Variants in EXOC6B observed in about 807,000 individuals in gnomAD.
The protein encoded by EXOC6B is SEC15 homolog B.
Under a neutral mutation model 113.5 loss-of-function variants are expected in EXOC6B, and 54 were observed. The observed-to-expected ratio is 0.48, with a 90% confidence interval of 0.38 to 0.60. EXOC6B has a LOEUF of 0.60. Among genes scored for constraint, EXOC6B ranks in the 20% least tolerant of loss-of-function variants. The pLI is 0.00. For missense variants in EXOC6B, 797 were observed against 977.5 expected (o/e 0.82, Z 2.46); for synonymous variants, 357 against 339.0 (o/e 1.05, Z -0.58).
intron 20 of EXOC6B, among the ~76,000 whole-genome samples, chr2:72,291,749 A>G (rs1685806965): frequency 6.6e-6 from 1 of 152,188 alleles, no homozygotes; most frequent in Non-Finnish European, 1.5e-5. Flanking sequence ...CATGTGAATG[A>G]GGTAAAGACA....
At chr2:72,373,356 G>A (rs956175937) in intron 19 of EXOC6B, among the ~76,000 whole-genome samples, 13 of 151,992 alleles carry the variant, frequency 8.6e-5, no homozygotes, top group African/African-American at 3.1e-4. Context: ...TGCCTGGCCT[G>A]GGCAGACATT....
At chr2:72,285,509 G>A (rs1455575977) in intron 20 of EXOC6B, among the ~76,000 whole-genome samples, 1 of 151,980 alleles carries the variant, frequency 6.6e-6, no homozygotes, top group African/African-American at 2.4e-5. Flanking sequence ...AGAAATAAAT[G>A]TAAAATACAA....
intron 8 of EXOC6B, among the ~76,000 whole-genome samples, chr2:72,551,896 GTAATGTAATCATAT>G (rs1481745970): frequency 6.6e-6 from 1 of 152,206 alleles, no homozygotes; most frequent in Non-Finnish European, 1.5e-5. Context: ...CTCTCCTGGT[GTAATGTAATCATAT>G]TAAAGCATAA....
chr2:72,785,928 A>G (rs1259018963), intron 1 of EXOC6B, among the ~76,000 whole-genome samples: 2 of 152,206 alleles, frequency 1.3e-5, no homozygotes, highest in Non-Finnish European at 2.9e-5. Context: ...CTTCACTTAT[A>G]AAGTTGAATG....
chr2:72,364,943 T>C (rs1400860318), intron 19 of EXOC6B, among the ~76,000 whole-genome samples: 1 of 152,188 alleles, frequency 6.6e-6, no homozygotes, highest in Non-Finnish European at 1.5e-5. Flanking sequence ...CAGAGAAGGA[T>C]GACTTCATTC....
At chr2:72,694,001 T>A (rs1392463308) in intron 6 of EXOC6B, among the ~76,000 whole-genome samples, 3 of 152,226 alleles carry the variant, frequency 2.0e-5, no homozygotes, top group Non-Finnish European at 4.4e-5. Flanking sequence ...CATGAGATAC[T>A]AATGTTGTCT....
chr2:72,758,067 G>A lies in EXOC6B; in HGVS notation c.114-16598C>T, dbSNP rs547787079. 3.5e-3 allele frequency among the ~76,000 whole-genome samples: 536 copies of A among 151,436 alleles called. 3 individuals carry two copies. Among genetic ancestry groups the A allele is most frequent in the Non-Finnish European group, 4.7e-3 (317 of 67,934 alleles). ...GGTTCCAGCTGTTCAGGAGGCTGAG[G>A]AGGGAGGATCACTTGAACCTTACAG... On this transcript the variant is annotated intron_variant, in intron 1 of 21. Transcript: ENST00000272427.
intron 20 of EXOC6B, among the ~76,000 whole-genome samples, chr2:72,260,936 A>G (rs1479679863): frequency 1.3e-5 from 2 of 152,216 alleles, no homozygotes; most frequent in African/African-American, 2.4e-5. Flanking sequence ...GTTACTCTGC[A>G]TGTGTCTGTT....
Position 72,575,774 on chromosome 2 carries a change from A to G in EXOC6B, c.670-106T>C, listed in dbSNP as rs1704809549. On this transcript the variant is annotated intron_variant, in intron 6 of 21. Coordinates refer to ENST00000272427, the MANE Select transcript of EXOC6B (RefSeq NM_015189.3). ...CAAAACTTAATTAAGCTTTCAACAA[A>G]CTTCTAATTTTGAACAAATTGATAT... 5 of 1,064,674 alleles carry G rather than the reference A, an allele frequency of 4.7e-6. No individual in the cohort carries two copies. In the South Asian group the frequency reaches 8.7e-5, roughly 18 times the overall value. The allele number at this position is 1,064,674 out of a possible 1,614,324, so 66.0% of individuals were successfully genotyped here.
chr2:72,529,752 T>A (rs1210909382), intron 8 of EXOC6B, among the ~76,000 whole-genome samples: 1 of 152,188 alleles, frequency 6.6e-6, no homozygotes, highest in African/African-American at 2.4e-5. Flanking sequence ...TGTGAGCCAC[T>A]GTGCCCAGTC....
At chr2:72,393,412 G>A (rs997965737) in intron 18 of EXOC6B, among the ~76,000 whole-genome samples, 2 of 151,900 alleles carry the variant, frequency 1.3e-5, no homozygotes, top group African/African-American at 4.8e-5. Flanking sequence ...TTTTAGGGGA[G>A]TTTCTTCTCC....
chr2:72,452,768 G>T (rs1190110393), intron 18 of EXOC6B, among the ~76,000 whole-genome samples: 1 of 152,158 alleles, frequency 6.6e-6, no homozygotes, highest in Non-Finnish European at 1.5e-5. Context: ...AAAATGTGGG[G>T]ATTATTAAAA....
intron 6 of EXOC6B, among the ~76,000 whole-genome samples, chr2:72,670,918 G>A (rs985635013): frequency 1.3e-4 from 19 of 151,978 alleles, no homozygotes; most frequent in African/African-American, 3.9e-4. Context: ...AATTATACTA[G>A]CAGCTTAGGC....
chr2:72,719,106 G>C (rs1177811203), intron 5 of EXOC6B, among the ~76,000 whole-genome samples: 1 of 152,110 alleles, frequency 6.6e-6, no homozygotes, highest in East Asian at 1.9e-4. Flanking sequence ...TAGCTTTCTT[G>C]CCTGGGGCTA....
intron 1 of EXOC6B, among the ~76,000 whole-genome samples, chr2:72,801,649 T>C (rs1477024762): frequency 2.6e-5 from 4 of 152,132 alleles, no homozygotes; most frequent in Non-Finnish European, 5.9e-5. Flanking sequence ...TGGAACAGTG[T>C]TTTGAAGCTC....
chr2:72,284,551 T>C (rs1312511326), intron 20 of EXOC6B, among the ~76,000 whole-genome samples: 2 of 151,994 alleles, frequency 1.3e-5, no homozygotes, highest in African/African-American at 4.8e-5. Flanking sequence ...CCTACTAAGA[T>C]CAAGATCAAG....
chr2:72,549,199 T>C (rs917307391), intron 8 of EXOC6B, among the ~76,000 whole-genome samples: 1 of 152,150 alleles, frequency 6.6e-6, no homozygotes, highest in Admixed American at 6.5e-5. Context: ...TTATATACTA[T>C]ATTGTATTCT....
intron 19 of EXOC6B, among the ~76,000 whole-genome samples, chr2:72,346,263 A>C (rs1689329586): frequency 6.6e-6 from 1 of 152,196 alleles, no homozygotes; most frequent in Non-Finnish European, 1.5e-5. Flanking sequence ...ATAAATGAGA[A>C]GATAGCCACA....
At chr2:72,490,981 T>C (rs554339620) in intron 16 of EXOC6B, among the ~76,000 whole-genome samples, 18 of 152,262 alleles carry the variant, frequency 1.2e-4, no homozygotes, top group Non-Finnish European at 2.5e-4. Context: ...AGAGTTATAA[T>C]GAAGAGATAG....
Sources: allele counts gnomAD v4.1 joint callset (sites outside exome capture counted in the v4.1 genomes callset), GRCh38; gene constraint gnomAD v4.1.1; transcripts MANE v1.5; gene names NCBI Gene and HGNC (gene_info 2026-07-23, HGNC 2026-07-21).